Variants in CCDC171 observed in about 807,000 individuals in gnomAD.
CCDC171 encodes coiled-coil domain containing 171, also known as coiled-coil domain-containing protein 171.
CCDC171 carries 177 observed loss-of-function variants against 168.2 expected under a neutral mutation model. The ratio of observed to expected loss-of-function variants is 1.05; its 90% CI spans 0.93 to 1.19. The LOEUF (loss-of-function observed/expected upper bound fraction) is 1.19, where lower values mean the gene tolerates loss of function less well. CCDC171 is among the 50% of genes most tolerant of loss of function. The probability of loss-of-function intolerance (pLI) is 0.00; values close to 1 mark genes in which losing one functional copy is unlikely to be tolerated. For synonymous variants in CCDC171, 687 were observed against 540.8 expected, an observed-to-expected ratio of 1.27 and a Z score of -3.75; for missense variants, 1,991 against 1,539.0, an observed-to-expected ratio of 1.29 and a Z score of -4.91.
At chr9:15,795,403 T>C (rs2135690789) in intron 21 of CCDC171, among the ~76,000 whole-genome samples, 1 of 152,266 alleles carries the variant, frequency 6.6e-6, no homozygotes, top group African/African-American at 2.4e-5. Context: ...ACATGAACTT[T>C]GGGAAACACA....
chr9:15,842,243 A>G (rs907472968), intron 21 of CCDC171, among the ~76,000 whole-genome samples: 2 of 152,014 alleles, frequency 1.3e-5, no homozygotes, highest in African/African-American at 4.8e-5. Flanking sequence ...AAATCTATAA[A>G]AGCAATATCC....
chr9:15,641,849 G>C (rs2046632806), intron 7 of CCDC171, among the ~76,000 whole-genome samples: 1 of 152,146 alleles, frequency 6.6e-6, no homozygotes. Context: ...CAAAATATGT[G>C]ATAACTTTGT....
At chr9:15,825,535 T>C (rs1038728425) in intron 21 of CCDC171, among the ~76,000 whole-genome samples, 2 of 152,146 alleles carry the variant, frequency 1.3e-5, no homozygotes, top group African/African-American at 4.8e-5. Context: ...TGTCACATAT[T>C]AGAAAGTTTT....
At chr9:15,565,371 G>T (rs2039650599) in intron 2 of CCDC171, among the ~76,000 whole-genome samples, 1 of 152,086 alleles carries the variant, frequency 6.6e-6, no homozygotes, top group Non-Finnish European at 1.5e-5. Flanking sequence ...TTTTTCTGAA[G>T]TGGGGTCTTG....
intron 7 of CCDC171, among the ~76,000 whole-genome samples, chr9:15,636,771 A>T (rs914612047): frequency 1.0e-4 from 14 of 133,450 alleles, no homozygotes; most frequent in African/African-American, 3.0e-4. Flanking sequence ...AAAAAAAAAA[A>T]GGTTTAGGAT....
In CCDC171 at chr9:15,744,579, G is replaced by A. The variant is rs757618194; in HGVS notation, c.2356G>A (p.Glu786Lys). The A allele has an allele frequency of 2.4e-5, 39 of 1,614,070 alleles. 1 individual carries two copies. The Admixed American group carries it at 5.0e-4, about 21-fold the overall frequency. The change falls in exon 17 of 26, where the codon GAA becomes AAA. Residue 786 changes from glutamate (E) to lysine (K), a missense_variant. Transcript: ENST00000380701. ...AACTGTAGAGGAAAAGAAGCAAGAG[G>A]AAGCCAAGATGAAAAAGAAAACATT... ...LSTVEEKKQE[E>K]AKMKKKTFKG...
chr9:16,048,577 T>G (rs1833698100), intron 1 of CCDC171, among the ~76,000 whole-genome samples: 1 of 152,192 alleles, frequency 6.6e-6, no homozygotes, highest in African/African-American at 2.4e-5. Context: ...GGGGCAAAAT[T>G]TTCAGGATTA....
chr9:15,811,064 AGTGCTGGTC>A (rs1475326107), intron 21 of CCDC171, among the ~76,000 whole-genome samples: 2 of 152,258 alleles, frequency 1.3e-5, no homozygotes, highest in African/African-American at 4.8e-5. Flanking sequence ...TCTGTTGTAC[AGTGCTGGTC>A]GAGAGGACAG....
chr9:15,950,323 C>G (rs943445048), intron 25 of CCDC171, among the ~76,000 whole-genome samples: 2 of 152,072 alleles, frequency 1.3e-5, no homozygotes, highest in African/African-American at 4.8e-5. Flanking sequence ...ACATAATTGT[C>G]TGATTCACCA....
At chr9:15,772,999 A>T (rs1564379042) in intron 18 of CCDC171, among the ~76,000 whole-genome samples, 1 of 151,960 alleles carries the variant, frequency 6.6e-6, no homozygotes, top group Non-Finnish European at 1.5e-5. Flanking sequence ...TATTATTAAC[A>T]TTACTCATTA....
At chr9:15,859,366 TGTC>T (rs2061466441) in intron 23 of CCDC171, among the ~76,000 whole-genome samples, 1 of 151,970 alleles carries the variant, frequency 6.6e-6, no homozygotes, top group Non-Finnish European at 1.5e-5. Context: ...GTGATGTCCT[TGTC>T]TGGCTTTGGT....
chr9:15,975,604 C>T (rs1026558008), downstream of CCDC171, among the ~76,000 whole-genome samples: 3 of 152,132 alleles, frequency 2.0e-5, no homozygotes, highest in Non-Finnish European at 4.4e-5. Context: ...CACAGATACT[C>T]TCAGAAGCAG....
chr9:15,754,887 T>G (rs1017687799), intron 18 of CCDC171, among the ~76,000 whole-genome samples: 20 of 152,128 alleles, frequency 1.3e-4, no homozygotes, highest in African/African-American at 4.8e-4. Context: ...AACAGAATAA[T>G]AAATAGATTT....
chr9:15,729,426 C>A (rs961176275), intron 15 of CCDC171, among the ~76,000 whole-genome samples, 184 bp from the exon 16 acceptor site: 1 of 152,004 alleles, frequency 6.6e-6, no homozygotes, highest in African/African-American at 2.4e-5. Context: ...TTTCTGCTAA[C>A]GTGTGGCAGT....
chr9:15,589,806 A>G (rs894055428), intron 4 of CCDC171, among the ~76,000 whole-genome samples: 1 of 152,232 alleles, frequency 6.6e-6, no homozygotes, highest in Non-Finnish European at 1.5e-5. Context: ...TTAGAATTAA[A>G]AAGACAGAGG....
chr9:15,933,123 A>G (rs138044913), intron 25 of CCDC171, among the ~76,000 whole-genome samples: 1,960 of 151,796 alleles, frequency 0.013, 15 homozygotes, highest in Middle Eastern at 0.044. Context: ...ATTTAAAAGT[A>G]TTTTCTCCTT....
intron 7 of CCDC171, 111 bp from the exon 8 acceptor site, chr9:15,657,016 G>T: frequency 4.4e-6 from 2 of 455,988 alleles, no homozygotes; most frequent in Non-Finnish European, 7.7e-6. Context: ...AAAAAAAAAT[G>T]AGGCTGCAAG....
intron 14 of CCDC171, among the ~76,000 whole-genome samples, chr9:15,725,451 TA>T (rs1421849247): frequency 3.9e-5 from 6 of 152,152 alleles, no homozygotes; most frequent in Non-Finnish European, 5.9e-5. Context: ...TTTCCTTATT[TA>T]TTTTTTTTCT....
At chr9:15,768,538 T>C (rs909575049) in intron 18 of CCDC171, among the ~76,000 whole-genome samples, 8 of 152,320 alleles carry the variant, frequency 5.3e-5, no homozygotes, top group Admixed American at 5.2e-4. Context: ...AAGTGATCAT[T>C]TGGACGAGAG....
Sources: gnomAD v4.1 joint callset for allele counts (sites outside exome capture counted in the v4.1 genomes callset) on GRCh38, gnomAD v4.1.1 for gene constraint, MANE v1.5 for transcripts, NCBI Gene and HGNC (gene_info 2026-07-23, HGNC 2026-07-21) for gene names.